Variants in CD2AP observed in about 807,000 individuals in gnomAD.
CD2AP encodes the protein CD2-associated protein.
In CD2AP, 46 loss-of-function variants were observed where a neutral mutation model predicts 85.1. The ratio of observed to expected loss-of-function variants is 0.54; its 90% CI spans 0.43 to 0.69. The LOEUF (loss-of-function observed/expected upper bound fraction) is 0.69. Ranked by LOEUF, CD2AP falls within the 30% of genes least tolerant of loss-of-function variation. The pLI is 0.00. For synonymous variants in CD2AP, 255 were observed against 252.9 expected, an observed-to-expected ratio of 1.01 and a Z score of -0.08; for missense variants, 769 against 729.5, an observed-to-expected ratio of 1.05 and a Z score of -0.62.
rs933322359 is a variant in CD2AP at position 47,595,916 on chromosome 6, A to C, written c.1164A>C (p.Pro388=). The C allele has an allele frequency of 6.2e-7, 1 of 1,612,650 alleles. No individual in the cohort carries two copies. The highest frequency in any genetic ancestry group is 8.5e-7 in the Non-Finnish European group (1 of 1,179,054). The change falls in exon 12 of 18, where the codon CCA becomes CCC. Residue 388 remains proline (P), a synonymous_variant. Transcript: ENST00000359314. ...CTAAACCAGCAGCTCCACAAGTCCC[A>C]CCCAAGAAACCTACTCCACCTACCA... ...KPSKPAAPQV[P]PKKPTPPTKA... is the part of the protein sequence containing the mutation.
chr6:47,555,682 T>A (rs910659122), intron 5 of CD2AP, among the ~76,000 whole-genome samples: 1 of 152,262 alleles, frequency 6.6e-6, no homozygotes, highest in South Asian at 2.1e-4. Context: ...GCTACACTTA[T>A]ATGTTTTAAT....
Position 47,544,667 on chromosome 6 carries a change from G to A in CD2AP, c.381G>A (p.Leu127=), listed in dbSNP as rs751092419. 3.7e-5 allele frequency: 60 copies of A among 1,612,374 alleles called. No homozygotes were observed. The East Asian group carries it at 1.0e-3, about 28-fold the overall frequency. Residue 127 remains leucine (L), a synonymous_variant, in exon 4 of 18, where the codon CTG becomes CTA. Transcript: ENST00000359314. ...ACATTCCACAAAATGAGGATGAACT[G>A]GAGCTGAAAGTGGGAGATATTATTG... The part of the protein sequence containing the change: ...FEYIPQNEDE[L]ELKVGDIIDI...
At chr6:47,545,352 A>C (rs1767335727) in intron 4 of CD2AP, among the ~76,000 whole-genome samples, 1 of 152,094 alleles carries the variant, frequency 6.6e-6, no homozygotes, top group South Asian at 2.1e-4. Flanking sequence ...AGCAAGATCC[A>C]CCCAAGGAGA....
At chr6:47,523,211 T>C (rs1766640645) in intron 2 of CD2AP, among the ~76,000 whole-genome samples, 1 of 152,074 alleles carries the variant, frequency 6.6e-6, no homozygotes, top group African/African-American at 2.4e-5. Flanking sequence ...ATAGAGAACA[T>C]TTTGATGTTT....
At chr6:47,578,260 G>T (rs1002826400) in intron 8 of CD2AP, among the ~76,000 whole-genome samples, 2 of 152,058 alleles carry the variant, frequency 1.3e-5, no homozygotes, top group African/African-American at 2.4e-5. Context: ...GCGTGCAGTG[G>T]TGTGATCATA....
At chr6:47,578,504 G>A (rs989413554) in intron 8 of CD2AP, among the ~76,000 whole-genome samples, 1 of 152,154 alleles carries the variant, frequency 6.6e-6, no homozygotes, top group Admixed American at 6.5e-5. Context: ...ATGAACCACT[G>A]TGCCTGGTCA....
chr6:47,586,075 A>C (rs1348140118), intron 11 of CD2AP, among the ~76,000 whole-genome samples: 1 of 152,240 alleles, frequency 6.6e-6, no homozygotes, highest in Non-Finnish European at 1.5e-5. Flanking sequence ...ACCAGGGAAG[A>C]AAAATCAGTC....
chr6:47,612,735 T>C (rs1769481809), intron 17 of CD2AP, among the ~76,000 whole-genome samples, 199 bp downstream of exon 17: 1 of 152,102 alleles, frequency 6.6e-6, no homozygotes, highest in African/African-American at 2.4e-5. Flanking sequence ...CTGGAGGTCA[T>C]TATGTTAAGC....
intron 9 of CD2AP, 120 bp downstream of exon 9, chr6:47,579,609 C>A: frequency 1.5e-6 from 1 of 682,940 alleles, no homozygotes; most frequent in Admixed American, 2.3e-5. Flanking sequence ...TCAGATGTAG[C>A]TATTCAGGTA....
At chr6:47,623,231 C>T (rs1309680724) in intron 17 of CD2AP, among the ~76,000 whole-genome samples, 1 of 152,108 alleles carries the variant, frequency 6.6e-6, no homozygotes, top group African/African-American at 2.4e-5. Context: ...TTGACTATGG[C>T]AAAGTCCTAA....
chr6:47,609,821 C>T (rs1014451098), intron 16 of CD2AP, among the ~76,000 whole-genome samples: 9 of 152,274 alleles, frequency 5.9e-5, no homozygotes, highest in Middle Eastern at 3.4e-3. Context: ...TTGTGGAAAA[C>T]GTGCATACAT....
At chr6:47,621,338 A>T (rs1386906242) in intron 17 of CD2AP, among the ~76,000 whole-genome samples, 2 of 152,198 alleles carry the variant, frequency 1.3e-5, no homozygotes, top group Non-Finnish European at 2.9e-5. Context: ...TATGTGGTAT[A>T]TCACATTTAT....
chr6:47,480,124 C>T (rs1335170394), intron 1 of CD2AP, among the ~76,000 whole-genome samples: 3 of 152,140 alleles, frequency 2.0e-5, no homozygotes, highest in Non-Finnish European at 4.4e-5. Flanking sequence ...TGTTGGTATA[C>T]TCTCGACTAC....
chr6:47,573,400 G>A (rs1407128122), intron 5 of CD2AP, among the ~76,000 whole-genome samples: 2 of 150,718 alleles, frequency 1.3e-5, no homozygotes, highest in East Asian at 2.0e-4. Context: ...GAATCATATA[G>A]CTTTAAAAAA....
intron 1 of CD2AP, among the ~76,000 whole-genome samples, chr6:47,494,202 C>T (rs767664805): frequency 1.3e-5 from 2 of 152,104 alleles, no homozygotes; most frequent in African/African-American, 2.4e-5. Flanking sequence ...TTATATTTAT[C>T]TGCCTAGGAG....
intron 4 of CD2AP, among the ~76,000 whole-genome samples, chr6:47,552,599 A>G (rs1168302923): frequency 6.6e-6 from 1 of 152,032 alleles, no homozygotes; most frequent in Non-Finnish European, 1.5e-5. Context: ...GCAATTGCAG[A>G]TTGTCATGCA....
chr6:47,606,192 C>A lies in CD2AP; in HGVS notation c.1445C>A (p.Ser482Tyr). 1 of 1,605,018 alleles carries A rather than the reference C, an allele frequency of 6.2e-7. No homozygotes were observed. Among genetic ancestry groups the A allele is most frequent in the South Asian group, 1.1e-5 (1 of 90,900 alleles). The change falls in exon 14 of 18, where the codon TCC becomes TAC. Residue 482 changes from serine to tyrosine, a missense_variant. By Grantham distance (144) the Ser-to-Tyr change is moderately radical. Transcript: ENST00000359314. ...GTTGTAAATTTTGATGACATAGCTT[C>A]CTCAGAAAACTTGCTTCATCTCACT... The part of the protein sequence containing the change: ...TDVVNFDDIA[S>Y]SENLLHLTAN...
At chr6:47,596,675 G>T (rs917368547) in intron 12 of CD2AP, among the ~76,000 whole-genome samples, 3 of 151,776 alleles carry the variant, frequency 2.0e-5, no homozygotes, top group Non-Finnish European at 4.4e-5. Context: ...GATACTTTAG[G>T]TTGCTTCCAT....
intron 2 of CD2AP, among the ~76,000 whole-genome samples, chr6:47,526,713 T>C (rs983544626): frequency 6.6e-6 from 1 of 152,198 alleles, no homozygotes; most frequent in Non-Finnish European, 1.5e-5. Flanking sequence ...AGATTGGAGT[T>C]ACTTTCAAGA....
Sources: allele counts gnomAD v4.1 joint callset (sites outside exome capture counted in the v4.1 genomes callset), GRCh38; gene constraint gnomAD v4.1.1; transcripts MANE v1.5; gene names NCBI Gene and HGNC (gene_info 2026-07-23, HGNC 2026-07-21).